The following SPTLC2 variants were observed in gnomAD, a reference collection of about 807,000 sequenced individuals.
SPTLC2 encodes serine palmitoyltransferase long chain base subunit 2, also known as serine palmitoyltransferase 2.
A neutral mutation model predicts 62.0 loss-of-function variants in SPTLC2; 21 were observed. The observed-to-expected ratio is 0.34, with a 90% CI of 0.24 to 0.49. The LOEUF (loss-of-function observed/expected upper bound fraction) is 0.49, where lower values mean the gene tolerates loss of function less well. SPTLC2 is among the 20% of genes least tolerant of loss of function. The pLI is 0.99. For synonymous variants in SPTLC2, 261 were observed against 261.8 expected, an observed-to-expected ratio of 1.00 and a Z score of 0.03; for missense variants, 511 against 713.0, an observed-to-expected ratio of 0.72 and a Z score of 3.23.
In SPTLC2 at chr14:77,576,863, G is replaced by C; in HGVS notation, c.535C>G (p.Leu179Val). 1 of 1,614,112 alleles carries C rather than the reference G, an allele frequency of 6.2e-7. No individual in the cohort carries two copies. Among genetic ancestry groups the C allele is most frequent in the Non-Finnish European group, 8.5e-7 (1 of 1,180,028 alleles). Residue 179 changes from leucine to valine, a missense_variant, in exon 4 of 12, where the codon CTT becomes GTT. Coordinates refer to ENST00000216484, the MANE Select transcript of SPTLC2 (RefSeq NM_004863.4). Reference sequence around the variant, plus strand: ...GATCCAGTATTCCGTGCAAATCCAAGATAGTTGTAGGAACCCATGTTTATA... The same window carrying C: ...GATCCAGTATTCCGTGCAAATCCAACATAGTTGTAGGAACCCATGTTTATA... Reference protein sequence around the residue: ...GVINMGSYNYLGFARNTGSCQ... With the variant: ...GVINMGSYNYVGFARNTGSCQ...
intron 8 of SPTLC2, among the ~76,000 whole-genome samples, chr14:77,554,156 C>A (rs1294033443): frequency 6.6e-6 from 1 of 152,128 alleles, no homozygotes; most frequent in Admixed American, 6.6e-5. Flanking sequence ...AGTGGTGAAG[C>A]AAAATTAAGA....
chr14:77,563,531 T>A (rs1263387481), intron 5 of SPTLC2, among the ~76,000 whole-genome samples: 1 of 152,198 alleles, frequency 6.6e-6, no homozygotes, highest in Admixed American at 6.5e-5. Flanking sequence ...ATTCAAGCGA[T>A]TCTCCTGCCT....
At chr14:77,513,016 CTTT>C (rs1190713237) in intron 11 of SPTLC2, among the ~76,000 whole-genome samples, 18 of 62,818 alleles carry the variant, frequency 2.9e-4, no homozygotes, top group South Asian at 1.5e-3. Context: ...AACCCAGCAA[CTTT>C]TTTTTTTTTT....
Position 77,616,553 on chromosome 14 carries a change from G to A in SPTLC2, c.27C>T (p.Cys9=), listed in dbSNP as rs1304840812. The A allele has an allele frequency of 5.2e-6, 8 of 1,536,736 alleles. No individual in the cohort carries two copies. In the East Asian group the frequency reaches 1.5e-4, roughly 28 times the overall value. MRPEPGGC[C]CRRTVRANGC... is the part of the protein sequence containing the mutation. ...CATTCGCCCGCACCGTGCGGCGGCA[G>A]CAGCAGCCTCCGGGCTCCGGCCGCA... Residue 9 remains cysteine (C), a synonymous_variant, in exon 1 of 12, where the codon TGC becomes TGT. Coordinates refer to ENST00000216484, the MANE Select transcript of SPTLC2 (RefSeq NM_004863.4).
At position 77,510,117 on chromosome 14, in the gene SPTLC2, T is replaced by C; in HGVS notation, c.*2167A>G. 2.5e-6 allele frequency: 1 copy of C among 395,320 alleles called. No individual in the cohort carries two copies. Among genetic ancestry groups the C allele is most frequent in the Non-Finnish European group, 4.5e-6 (1 of 224,580 alleles). 24.5% of individuals were successfully genotyped at this position (395,320 alleles called of 1,614,324 possible). A position where few individuals can be genotyped will look rare whatever the true frequency, so the allele number is the denominator to read the frequency against. On this transcript the variant is annotated 3_prime_UTR_variant, in exon 12 of 12. Transcript: ENST00000216484. ...AAAAGGTTGACAATGTATTTGATTT[T>C]ATAGGACTCCTATTTAGTTACCACA... is the stretch of plus-strand genomic sequence containing the variant.
At chr14:77,520,789 C>A (rs1157632395) in intron 10 of SPTLC2, among the ~76,000 whole-genome samples, 1 of 152,176 alleles carries the variant, frequency 6.6e-6, no homozygotes, top group Non-Finnish European at 1.5e-5. Flanking sequence ...TGGTAAGTAT[C>A]CAATAACACA....
Position 77,518,318 on chromosome 14 carries a change from A to G in SPTLC2, c.1440-151T>C. On this transcript the variant is annotated intron_variant, in intron 10 of 11. Transcript: ENST00000216484. ...TCCTTTAACTCCTTTTAAAGTTAAA[A>G]TTGACAGCTCACAAATACTTTTAAA... 1.1e-5 allele frequency: 13 copies of G among 1,194,428 alleles called. No individual in the cohort carries two copies. In the South Asian group the frequency reaches 1.7e-4, roughly 16 times the overall value. 74.0% of individuals were successfully genotyped at this position (1,194,428 alleles called of 1,614,324 possible). A position where few individuals can be genotyped will look rare whatever the true frequency, so the allele number is the denominator to read the frequency against.
chr14:77,532,757 C>A lies in SPTLC2; in HGVS notation c.1304-11176G>T, dbSNP rs372087413. 2.6e-4 allele frequency among the ~76,000 whole-genome samples: 40 copies of A among 151,186 alleles called. 1 individual carries two copies. In the South Asian group the frequency reaches 8.4e-3, roughly 32 times the overall value. On this transcript the variant is annotated intron_variant, in intron 9 of 11. Coordinates refer to ENST00000216484, the MANE Select transcript of SPTLC2 (RefSeq NM_004863.4). Reference sequence around the variant, plus strand: ...CGAGATAGTGCCACTGCACTCCAGCCTGGGCAACAGAGCAAGACTCTGTCT... The same window carrying A: ...CGAGATAGTGCCACTGCACTCCAGCATGGGCAACAGAGCAAGACTCTGTCT...
chr14:77,590,304 C>T (rs1280972490), intron 2 of SPTLC2, among the ~76,000 whole-genome samples: 1 of 152,168 alleles, frequency 6.6e-6, no homozygotes, highest in Non-Finnish European at 1.5e-5. Context: ...AAACATTTAC[C>T]GAGCGTCTAA....
At chr14:77,581,785 T>C (rs1284256379) in intron 2 of SPTLC2, among the ~76,000 whole-genome samples, 1 of 152,154 alleles carries the variant, frequency 6.6e-6, no homozygotes, top group Non-Finnish European at 1.5e-5. Flanking sequence ...AACATGTCTA[T>C]CACAATTGGA....
intron 2 of SPTLC2, among the ~76,000 whole-genome samples, chr14:77,591,404 G>C (rs2079815736): frequency 6.6e-6 from 1 of 152,162 alleles, no homozygotes; most frequent in Admixed American, 6.5e-5. Context: ...AAATTAAATT[G>C]TGGTGCTGGC....
Position 77,509,694 on chromosome 14 carries a change from T to G in SPTLC2, c.*2590A>C, listed in dbSNP as rs916144152. 1 of 392,956 alleles carries G rather than the reference T, an allele frequency of 2.5e-6. No homozygotes were observed. Among genetic ancestry groups the G allele is most frequent in the Non-Finnish European group, 4.5e-6 (1 of 222,980 alleles). 24.3% of individuals were successfully genotyped at this position (392,956 alleles called of 1,614,324 possible). ...AAGTACTTGGATAAATGATGATACC[T>G]AGGATATGACTGGACCCTAGATTTA... On this transcript the variant is annotated 3_prime_UTR_variant, in exon 12 of 12. Transcript: ENST00000216484.
intron 9 of SPTLC2, among the ~76,000 whole-genome samples, chr14:77,541,540 T>C (rs1329664584): frequency 6.6e-6 from 1 of 152,198 alleles, no homozygotes; most frequent in East Asian, 1.9e-4. Context: ...GGGGTCCATG[T>C]GGAAATGTGT....
At chr14:77,555,104 GAA>G (rs2079575540) in intron 8 of SPTLC2, among the ~76,000 whole-genome samples, 194 bp downstream of exon 8, 1 of 152,142 alleles carries the variant, frequency 6.6e-6, no homozygotes, top group Non-Finnish European at 1.5e-5. Flanking sequence ...GCTCAAATAA[GAA>G]AACAACAAAC....
chr14:77,541,217 T>C (rs1038722695), intron 9 of SPTLC2, among the ~76,000 whole-genome samples: 7 of 151,898 alleles, frequency 4.6e-5, no homozygotes, highest in Non-Finnish European at 1.0e-4. Flanking sequence ...TATTTTATTT[T>C]TTTGTAGAGA....
In SPTLC2 at chr14:77,529,620, C is replaced by CTTTCTTTTTTTTTTT. The variant is rs1555373703; in HGVS notation, c.1304-8040_1304-8039insAAAAAAAAAAAGAAA. Among the ~76,000 whole-genome samples, 90 of 76,064 alleles carry CTTTCTTTTTTTTTTT rather than the reference C, an allele frequency of 1.2e-3. 8 individuals are homozygous for CTTTCTTTTTTTTTTT. The highest frequency in any genetic ancestry group is 5.8e-3 in the East Asian group (8 of 1,368). 49.9% of individuals were successfully genotyped at this position (76,064 alleles called of 152,430 possible). A position where few individuals can be genotyped will look rare whatever the true frequency, so the allele number is the denominator to read the frequency against. On this transcript the variant is annotated intron_variant, in intron 9 of 11. Coordinates refer to ENST00000216484, the MANE Select transcript of SPTLC2 (RefSeq NM_004863.4). The stretch of plus-strand genomic sequence containing the variant: ...TTCTAGGAAAGCAATTTCTTTCTTT[C>CTTTCTTTTTTTTTTT]TTTTTTTTTTTTTTTTTTTTTTGAG...
chr14:77,526,218 A>T (rs2079408527), intron 9 of SPTLC2, among the ~76,000 whole-genome samples: 1 of 152,224 alleles, frequency 6.6e-6, no homozygotes, highest in African/African-American at 2.4e-5. Context: ...AGCAGTTAAT[A>T]TTTATGCAAG....
rs774328377 is a variant in SPTLC2, at chr14:77,509,507, C to T, written c.*2777G>A. 1.2e-4 allele frequency: 21 copies of T among 182,594 alleles called. No individual in the cohort carries two copies. The highest frequency in any genetic ancestry group is 2.1e-4 in the Non-Finnish European group (19 of 88,574). The allele number at this position is 182,594 out of a possible 1,614,324, so 11.3% of individuals were successfully genotyped here. A position where few individuals can be genotyped will look rare whatever the true frequency, so the allele number is the denominator to read the frequency against. ...AAGGACTAGTCACACCTCTATCAAT[C>T]GACTCAGATGATCAGTTTTGGTAGT... is the stretch of plus-strand genomic sequence containing the variant. On this transcript the variant is annotated 3_prime_UTR_variant, in exon 12 of 12. Transcript: ENST00000216484.
intron 2 of SPTLC2, among the ~76,000 whole-genome samples, chr14:77,591,692 C>CTGTATGTATGTA (rs147430744): frequency 1.8e-3 from 240 of 130,454 alleles, no homozygotes; most frequent in African/African-American, 4.1e-3. Flanking sequence ...TAGTGCTCTT[C>CTGTATGTATGTA]TGTATGTATG....
Sources: gnomAD v4.1 joint callset for allele counts (sites outside exome capture counted in the v4.1 genomes callset) on GRCh38, gnomAD v4.1.1 for gene constraint, MANE v1.5 for transcripts, NCBI Gene and HGNC (gene_info 2026-07-23, HGNC 2026-07-21) for gene names.